Variants in TECPR2 observed in about 807,000 individuals in gnomAD.
TECPR2 encodes the protein tectonin beta-propeller repeat-containing protein 2.
In TECPR2, 65 loss-of-function variants were observed where a neutral mutation model predicts 138.1. That is an observed-to-expected ratio of 0.47 (90% CI 0.39 to 0.58). The LOEUF (loss-of-function observed/expected upper bound fraction) is 0.58, where lower values mean the gene tolerates loss of function less well. Ranked by LOEUF, TECPR2 falls within the 20% of genes least tolerant of loss-of-function variation. The probability of loss-of-function intolerance (pLI) is 0.00; values close to 1 mark genes in which losing one functional copy is unlikely to be tolerated. For missense variants in TECPR2, 1,553 were observed against 1,824.5 expected, an observed-to-expected ratio of 0.85 and a Z score of 2.71; for synonymous variants, 746 against 749.8, an observed-to-expected ratio of 0.99 and a Z score of 0.08.
At chr14:102,433,300 C>T (rs1889562827) in intron 8 of TECPR2, among the ~76,000 whole-genome samples, 1 of 151,724 alleles carries the variant, frequency 6.6e-6, no homozygotes, top group South Asian at 2.1e-4. Context: ...TGACCCATGC[C>T]GCCTCCTCTC....
intron 2 of TECPR2, among the ~76,000 whole-genome samples, chr14:102,391,531 A>T (rs1436343858): frequency 6.6e-6 from 1 of 152,176 alleles, no homozygotes; most frequent in Non-Finnish European, 1.5e-5. Flanking sequence ...CCCAAGCTAG[A>T]TGGGGATTCC....
intron 11 of TECPR2, 87 bp downstream of exon 11, chr14:102,440,696 A>G: frequency 6.9e-7 from 1 of 1,458,140 alleles, no homozygotes; most frequent in Middle Eastern, 2.3e-4. Flanking sequence ...TGCTTACCAC[A>G]ATCGCTATGA....
intron 17 of TECPR2, among the ~76,000 whole-genome samples, chr14:102,490,787 C>T (rs576665956): frequency 6.6e-6 from 1 of 152,338 alleles, no homozygotes; most frequent in East Asian, 1.9e-4. Context: ...CACCAGCGTC[C>T]GGAACGGGGT....
chr14:102,385,987 A>G (rs1245567223), intron 2 of TECPR2, among the ~76,000 whole-genome samples: 9 of 152,158 alleles, frequency 5.9e-5, no homozygotes, highest in South Asian at 2.1e-4. Context: ...TCACCCATAC[A>G]TGCATATGCC....
At chr14:102,399,746 G>A (rs960865732) in intron 2 of TECPR2, among the ~76,000 whole-genome samples, 1 of 151,748 alleles carries the variant, frequency 6.6e-6, no homozygotes, top group Non-Finnish European at 1.5e-5. Flanking sequence ...CAGGAGAATC[G>A]CTTGAACCCA....
chr14:102,430,909 AG>A (rs1889452732), intron 7 of TECPR2, among the ~76,000 whole-genome samples: 1 of 152,218 alleles, frequency 6.6e-6, no homozygotes, highest in Admixed American at 6.5e-5. Context: ...AGTATATTCA[AG>A]GCAGAGTCTT....
chr14:102,497,615 C>A lies in TECPR2; in HGVS notation c.3977C>A (p.Ala1326Asp). Residue 1326 changes from alanine (A) to aspartate (D), a missense_variant, in exon 19 of 20, where the codon GCC (alanine) becomes GAC (aspartate). By Grantham distance (126) the Ala-to-Asp change is moderately radical (BLOSUM62 -2). Coordinates refer to ENST00000359520, the MANE Select transcript of TECPR2 (RefSeq NM_014844.5). ...GCGCTGAGCACCAGGACCGTGTGGG[C>A]CCGCTGTCCAAACGGAGACCTCGCC... The part of the protein sequence containing the change: ...QLALSTRTVW[A>D]RCPNGDLARR... 1 of 1,608,912 alleles carries A rather than the reference C, an allele frequency of 6.2e-7. No individual in the cohort carries two copies. The highest frequency in any genetic ancestry group is 8.5e-7 in the Non-Finnish European group (1 of 1,178,310).
At chr14:102,399,845 GAAA>G (rs1177141744) in intron 2 of TECPR2, among the ~76,000 whole-genome samples, 1 of 106,610 alleles carries the variant, frequency 9.4e-6, no homozygotes, top group African/African-American at 3.4e-5. Flanking sequence ...AAGAAATGAA[GAAA>G]AAAAAAAAAG....
At chr14:102,450,776 G>A (rs1210738096) in intron 15 of TECPR2, 127 bp downstream of exon 15, 1 of 887,742 alleles carries the variant, frequency 1.1e-6, no homozygotes, top group East Asian at 2.7e-5. Flanking sequence ...ACGTGAGGGT[G>A]TCAGAGGCCA....
chr14:102,408,475 C>G lies in TECPR2; in HGVS notation c.349-13C>G. 11 of 1,591,746 alleles carry G rather than the reference C, an allele frequency of 6.9e-6. No homozygotes were observed. Among genetic ancestry groups the G allele is most frequent in the Non-Finnish European group, 9.4e-6 (11 of 1,173,742 alleles). On this transcript the variant is annotated splice_polypyrimidine_tract_variant and intron_variant, in intron 3 of 19. Transcript: ENST00000359520. ...TTTTTTTTCTTGTGTATATTTTTAT[C>G]CCTTGTTCATAGCTTCGGAGATTTG... is the stretch of plus-strand genomic sequence containing the variant.
At chr14:102,412,002 G>A (rs1194403392) in intron 4 of TECPR2, among the ~76,000 whole-genome samples, 2 of 151,850 alleles carry the variant, frequency 1.3e-5, no homozygotes, top group African/African-American at 4.8e-5. Context: ...CCACATGGAT[G>A]AATTTTTCCT....
rs1889286014 is a variant in TECPR2 at position 102,425,264 on chromosome 14, TATCTATCTCCTAGAC to T, written c.926_940del (p.Ile309_Asp313del). The T allele has an allele frequency of 6.2e-7, 1 of 1,606,716 alleles. No homozygotes were observed. The highest frequency in any genetic ancestry group is 2.2e-5 in the East Asian group (1 of 44,778). On this transcript the variant is annotated inframe_deletion, in exon 6 of 20. Transcript: ENST00000359520. ...GGGTGCTGAGTTGGAATGAATATAG[TATCTATCTCCTAGAC>T]ACAGTCAACCAGGTAAGTGAAGGGA...
intron 5 of TECPR2, among the ~76,000 whole-genome samples, chr14:102,418,196 A>C (rs1889080226): frequency 6.6e-6 from 1 of 152,136 alleles, no homozygotes; most frequent in African/African-American, 2.4e-5. Context: ...TGACACTGAC[A>C]CCCTGACATT....
rs1005914386 is a variant in TECPR2 at position 102,363,212 on chromosome 14, C to G, written c.-73+96C>G. The G allele has an allele frequency of 2.4e-5, 6 of 253,904 alleles. No individual in the cohort carries two copies. The East Asian group carries it at 3.1e-4, about 13-fold the overall frequency. The allele number at this position is 253,904 out of a possible 1,614,324, so 15.7% of individuals were successfully genotyped here. A position where few individuals can be genotyped will look rare whatever the true frequency, so the allele number is the denominator to read the frequency against. Reference sequence around the variant, plus strand: ...TCGGCCTCCCCCGGGCCACTCTTCCCTTGCCTCAGCCCCGCAGGGTCTCCA... The same window carrying G: ...TCGGCCTCCCCCGGGCCACTCTTCCGTTGCCTCAGCCCCGCAGGGTCTCCA... On this transcript the variant is annotated intron_variant, in intron 1 of 19. Coordinates refer to ENST00000359520, the MANE Select transcript of TECPR2 (RefSeq NM_014844.5).
intron 1 of TECPR2, among the ~76,000 whole-genome samples, chr14:102,373,253 A>G (rs1887555344): frequency 6.6e-6 from 1 of 152,168 alleles, no homozygotes; most frequent in Non-Finnish European, 1.5e-5. Flanking sequence ...GTTTGTATTA[A>G]GTACAGACGG....
Position 102,369,664 on chromosome 14 carries a change from A to C in TECPR2, c.-73+6548A>C, listed in dbSNP as rs137952106. On this transcript the variant is annotated intron_variant, in intron 1 of 19. Coordinates refer to ENST00000359520, the MANE Select transcript of TECPR2 (RefSeq NM_014844.5). ...TGATGTCAAACCCCTGGGCTCGGCC[A>C]AGTGCAGTGGCTCACGCCTGTAATC... Among the ~76,000 whole-genome samples, 286 of 152,112 alleles carry C rather than the reference A, an allele frequency of 1.9e-3. 2 individuals are homozygous for C. The highest frequency in any genetic ancestry group is 6.3e-3 in the African/African-American group (262 of 41,500).
In TECPR2 at chr14:102,366,595, C is replaced by T. The variant is rs149577453; in HGVS notation, c.-73+3479C>T. On this transcript the variant is annotated intron_variant, in intron 1 of 19. Transcript: ENST00000359520. ...CTCCTGGCCTCAAGCAATCCTCCCACCTCGGCCTCCCAAAGTGCTGGGATT... is the reference window on the plus strand; with the variant it reads ...CTCCTGGCCTCAAGCAATCCTCCCATCTCGGCCTCCCAAAGTGCTGGGATT... Among the ~76,000 whole-genome samples the T allele has an allele frequency of 1.5e-3, 235 of 152,322 alleles. 1 individual carries two copies. Among genetic ancestry groups the T allele is most frequent in the African/African-American group, 4.9e-3 (205 of 41,578 alleles).
intron 2 of TECPR2, among the ~76,000 whole-genome samples, chr14:102,394,767 G>A (rs1888270562): frequency 6.6e-6 from 1 of 152,164 alleles, no homozygotes. Context: ...AAGACAAGCT[G>A]CTGTCCTGTT....
At position 102,502,157 on chromosome 14, in the gene TECPR2, C is replaced by T. The variant is rs933437506; in HGVS notation, c.*3900C>T. On this transcript the variant is annotated 3_prime_UTR_variant, in exon 20 of 20. Coordinates refer to ENST00000359520, the MANE Select transcript of TECPR2 (RefSeq NM_014844.5). ...CAGGAAGCGGAGGCGCAGGACCTCA[C>T]CGCGCCAGCGTGAAGTTCCCGGGCA... 5.9e-5 allele frequency: 9 copies of T among 151,764 alleles called. No individual in the cohort carries two copies. The highest frequency in any genetic ancestry group is 2.2e-4 in the African/African-American group (9 of 41,504). The allele number at this position is 151,764 out of a possible 1,614,324, so 9.4% of individuals were successfully genotyped here.
Sources: allele counts gnomAD v4.1 joint callset (sites outside exome capture counted in the v4.1 genomes callset), GRCh38; gene constraint gnomAD v4.1.1; transcripts MANE v1.5; gene names NCBI Gene and HGNC (gene_info 2026-07-23, HGNC 2026-07-21).